PIK3R3: variants seen among roughly 807,000 people sequenced by gnomAD.
PIK3R3 encodes the protein phosphoinositide-3-kinase regulatory subunit 3.
In PIK3R3, 64 loss-of-function variants were observed where a neutral mutation model predicts 62.9. The ratio of observed to expected loss-of-function variants is 1.02; its 90% confidence interval spans 0.83 to 1.25. The LOEUF is 1.25. Among genes scored for constraint, PIK3R3 ranks in the 50% most tolerant of loss-of-function variants. The pLI, the probability that PIK3R3 is intolerant of heterozygous loss-of-function variation, is 0.00. For synonymous variants in PIK3R3, 165 were observed against 189.0 expected (o/e 0.87, Z 1.04); for missense variants, 614 against 561.6 (o/e 1.09, Z -0.94).
Position 46,041,467 on chromosome 1 carries a change from A to C in PIK3R3, c.*2206T>G. On this transcript the variant is annotated 3_prime_UTR_variant, in exon 10 of 10. Transcript: ENST00000262741. ...AAGATGGTACTTGGTCTCTCCCTGCACACCGCTGGTGTCTGCCCAACAAGG... is the reference window on the plus strand; with the variant it reads ...AAGATGGTACTTGGTCTCTCCCTGCCCACCGCTGGTGTCTGCCCAACAAGG... 5.7e-6 allele frequency: 1 copy of C among 175,122 alleles called. No individual in the cohort carries two copies. Among genetic ancestry groups the C allele is most frequent in the South Asian group, 2.0e-4 (1 of 5,004 alleles). The allele number at this position is 175,122 out of a possible 1,614,324, so 10.8% of individuals were successfully genotyped here.
At chr1:46,156,289 G>A in the PIK3R3 span, among the ~76,000 whole-genome samples, 39 of 151,502 alleles carry the variant, frequency 2.6e-4, no homozygotes, top group Non-Finnish European at 3.5e-4. Flanking sequence ...GTGAAACCCC[G>A]TCTCTACTAA....
At chr1:46,148,743 GGA>G in the PIK3R3 span, among the ~76,000 whole-genome samples, 1,372 of 142,788 alleles carry the variant, frequency 9.6e-3, 14 homozygotes, top group African/African-American at 0.022. Context: ...CCAAGATTTT[GGA>G]GAGAGAGAGA....
intron 1 of PIK3R3, among the ~76,000 whole-genome samples, chr1:46,130,836 A>G (rs1392390251): frequency 6.6e-6 from 1 of 152,242 alleles, no homozygotes. Context: ...ATCATTACAT[A>G]AAACACCATC....
At chr1:46,129,862 A>G (rs1463930471) in intron 1 of PIK3R3, among the ~76,000 whole-genome samples, 2 of 152,226 alleles carry the variant, frequency 1.3e-5, no homozygotes, top group South Asian at 2.1e-4. Context: ...GTAATAAAGA[A>G]CAGCATATGT....
At chr1:46,150,124 A>G in the PIK3R3 span, among the ~76,000 whole-genome samples, 1 of 152,220 alleles carries the variant, frequency 6.6e-6, no homozygotes, top group Non-Finnish European at 1.5e-5. Context: ...TGGTAACAAC[A>G]TGGATTCCTG....
chr1:46,082,762 C>G (rs1650718517), intron 1 of PIK3R3, among the ~76,000 whole-genome samples: 1 of 151,988 alleles, frequency 6.6e-6, no homozygotes, highest in Admixed American at 6.6e-5. Context: ...ATATTTCCCC[C>G]CAAAGAGAAG....
chr1:46,145,017 G>A, the PIK3R3 span, among the ~76,000 whole-genome samples: 1 of 151,748 alleles, frequency 6.6e-6, no homozygotes, highest in Non-Finnish European at 1.5e-5. Flanking sequence ...CAGCTACTCG[G>A]GAGGCTGAGG....
the PIK3R3 span, among the ~76,000 whole-genome samples, chr1:46,148,086 C>CCAG: frequency 6.6e-6 from 1 of 152,104 alleles, no homozygotes; most frequent in Admixed American, 6.5e-5. Flanking sequence ...TGGAGAGGGA[C>CCAG]CAGTGTTAAT....
At chr1:46,148,725 G>C in the PIK3R3 span, among the ~76,000 whole-genome samples, 1 of 151,224 alleles carries the variant, frequency 6.6e-6, no homozygotes, top group East Asian at 1.9e-4. Context: ...ACCATTGTTC[G>C]TGCTTCTCCA....
chr1:46,045,616 G>GTTTTTTTTTT (rs1357786582), intron 9 of PIK3R3, among the ~76,000 whole-genome samples: 204 of 16,474 alleles, frequency 0.012, 18 homozygotes, highest in Non-Finnish European at 0.019. Context: ...ACAATTAAGT[G>GTTTTTTTTTT]CTTTTTTTTT....
At chr1:46,139,603 G>A in the PIK3R3 span, among the ~76,000 whole-genome samples, 7 of 152,244 alleles carry the variant, frequency 4.6e-5, 1 homozygote, top group South Asian at 1.0e-3. Flanking sequence ...CACTGTGCCC[G>A]GCCTTACCCA....
intron 2 of PIK3R3, among the ~76,000 whole-genome samples, chr1:46,079,047 T>C (rs1026189567): frequency 6.6e-6 from 1 of 152,034 alleles, no homozygotes; most frequent in African/African-American, 2.4e-5. Flanking sequence ...AGATGGATGG[T>C]GATGATAGCT....
intron 6 of PIK3R3, among the ~76,000 whole-genome samples, chr1:46,061,364 C>T: frequency 6.6e-6 from 1 of 152,206 alleles, no homozygotes; most frequent in East Asian, 1.9e-4. Flanking sequence ...ATCGTTTAAC[C>T]TGATGACCAC....
chr1:46,049,543 T>C (rs1647203963), intron 7 of PIK3R3, among the ~76,000 whole-genome samples: 1 of 152,216 alleles, frequency 6.6e-6, no homozygotes, highest in African/African-American at 2.4e-5. Flanking sequence ...GCAGCATCTG[T>C]TGGTAGCCAG....
At chr1:46,058,912 A>G (rs1451186239) in intron 6 of PIK3R3, among the ~76,000 whole-genome samples, 1 of 152,156 alleles carries the variant, frequency 6.6e-6, no homozygotes, top group East Asian at 1.9e-4. Context: ...AGGATTTGGG[A>G]GGGGCCAGGG....
chr1:46,163,945 C>A, the PIK3R3 span, among the ~76,000 whole-genome samples: 1 of 152,212 alleles, frequency 6.6e-6, no homozygotes, highest in South Asian at 2.1e-4. Context: ...AGAGAAACTG[C>A]CTGGCTGACC....
chr1:46,093,398 C>G (rs1308552224), intron 1 of PIK3R3, among the ~76,000 whole-genome samples: 1 of 152,118 alleles, frequency 6.6e-6, no homozygotes, highest in Non-Finnish European at 1.5e-5. Flanking sequence ...GCAATGCCCC[C>G]TAATTTCTCC....
intron 7 of PIK3R3, among the ~76,000 whole-genome samples, chr1:46,054,098 G>A (rs1647638630): frequency 6.6e-6 from 1 of 152,074 alleles, no homozygotes; most frequent in African/African-American, 2.4e-5. Flanking sequence ...TTTACCCCAA[G>A]AAATATCACC....
intron 1 of PIK3R3, among the ~76,000 whole-genome samples, chr1:46,089,018 A>G (rs1282920826): frequency 6.6e-6 from 1 of 152,232 alleles, no homozygotes; most frequent in East Asian, 1.9e-4. Flanking sequence ...ATATCCTGCC[A>G]AATTATCAAT....
Sources: gnomAD v4.1 joint callset for allele counts (sites outside exome capture counted in the v4.1 genomes callset) on GRCh38, gnomAD v4.1.1 for gene constraint, MANE v1.5 for transcripts, NCBI Gene and HGNC (gene_info 2026-07-23, HGNC 2026-07-21) for gene names.